AKAP9: variants seen among roughly 807,000 people sequenced by gnomAD.
AKAP9 encodes A-kinase anchoring protein 9, also known as A-kinase anchor protein 9.
A neutral mutation model predicts 488.5 loss-of-function variants in AKAP9; 311 were observed. That is an observed-to-expected ratio of 0.64 (90% CI 0.58 to 0.70). The LOEUF (loss-of-function observed/expected upper bound fraction) is 0.70. Among genes scored for constraint, AKAP9 ranks in the 30% least tolerant of loss-of-function variants. The pLI is 0.00. For missense variants in AKAP9, 4,215 were observed against 4,374.5 expected (o/e 0.96, Z 1.03); for synonymous variants, 1,462 against 1,483.5 (o/e 0.99, Z 0.33).
intron 26 of AKAP9, 62 bp downstream of exon 26, chr7:92,066,608 C>T (rs1197101561): frequency 4.4e-6 from 7 of 1,584,622 alleles, no homozygotes; most frequent in Non-Finnish European, 5.2e-6. Context: ...AAATAAGATG[C>T]ATATCATTAA....
At chr7:92,059,401 A>T (rs996777788) in intron 22 of AKAP9, among the ~76,000 whole-genome samples, 1 of 149,214 alleles carries the variant, frequency 6.7e-6, no homozygotes, top group Non-Finnish European at 1.5e-5. Context: ...AATAAATGAC[A>T]TTTTTTTTTG....
rs1563158570 is a variant in AKAP9 at position 92,105,782 on chromosome 7, A to G, written c.11416+19A>G. On this transcript the variant is annotated intron_variant, in intron 47 of 49. Transcript: ENST00000356239. ...AATCAAGGTGAAGTCAAAATAGCAT[A>G]TTTTCTTATGTTTATGACTCTCTAA... 1 of 1,595,392 alleles carries G rather than the reference A, an allele frequency of 6.3e-7. No homozygotes were observed.
intron 2 of AKAP9, among the ~76,000 whole-genome samples, chr7:91,977,751 G>A (rs938889595): frequency 1.3e-5 from 2 of 152,072 alleles, no homozygotes; most frequent in Non-Finnish European, 2.9e-5. Context: ...CAACTCTACT[G>A]CTTGATTTGG....
intron 8 of AKAP9, among the ~76,000 whole-genome samples, chr7:92,010,742 C>A (rs1335153608): frequency 6.6e-6 from 1 of 152,194 alleles, no homozygotes; most frequent in Non-Finnish European, 1.5e-5. Context: ...CAACCTTGAA[C>A]TCCTGGACTC....
chr7:91,973,529 T>C (rs750214378), intron 1 of AKAP9, among the ~76,000 whole-genome samples, 182 bp from the exon 2 acceptor site: 3 of 152,242 alleles, frequency 2.0e-5, no homozygotes, highest in Non-Finnish European at 4.4e-5. Flanking sequence ...GTAGGTTTAT[T>C]CAGAAATGTT....
rs377559109 is a variant in AKAP9, at chr7:91,994,607, C to G, written c.577-14C>G. The G allele has an allele frequency of 4.0e-5, 65 of 1,605,912 alleles. No individual in the cohort carries two copies. In the African/African-American group the frequency reaches 7.8e-4, roughly 19 times the overall value. On this transcript the variant is annotated splice_polypyrimidine_tract_variant and intron_variant, in intron 5 of 49. Coordinates refer to ENST00000356239, the MANE Select transcript of AKAP9 (RefSeq NM_005751.5). ...TTAAAAAAAATAAATCTAGCACTTA[C>G]TATTTTCTTTCAGTTACAAGAATTT...
At chr7:92,042,608 T>G in intron 19 of AKAP9, 60 bp from the exon 20 acceptor site, 1 of 1,221,436 alleles carries the variant, frequency 8.2e-7, no homozygotes, top group Non-Finnish European at 1.2e-6. Context: ...ACATGCTGTT[T>G]CCAAGTTGAC....
chr7:92,089,538 T>C lies in AKAP9; in HGVS notation c.9358+9T>C. ...TGAGAAACCAAGCCAAGGTATGTTG[T>C]ATGACAAGCTCATATGGTTACACAA... On this transcript the variant is annotated intron_variant, in intron 38 of 49. Coordinates refer to ENST00000356239, the MANE Select transcript of AKAP9 (RefSeq NM_005751.5). 1 of 1,612,700 alleles carries C rather than the reference T, an allele frequency of 6.2e-7. No individual in the cohort carries two copies. Among genetic ancestry groups the C allele is most frequent in the Non-Finnish European group, 8.5e-7 (1 of 1,179,170 alleles).
rs1563145482 is a variant in AKAP9, at chr7:92,099,766, A to AT, written c.10794dup (p.Ile3599TyrfsTer6). 2 of 1,614,102 alleles carry AT rather than the reference A, an allele frequency of 1.2e-6. No homozygotes were observed. The highest frequency in any genetic ancestry group is 1.7e-6 in the Non-Finnish European group (2 of 1,179,944). On this transcript the variant is annotated frameshift_variant, in exon 44 of 50. Transcript: ENST00000356239. LOFTEE classifies it high-confidence loss of function. ...AGACAAAATGCTGAGCTGACAGGGC[A>AT]TATCAGTCAACTGACTGAAGAGAAG...
rs148991061 is a variant in AKAP9 at position 92,023,039 on chromosome 7, A to G, written c.4148+30A>G. The G allele has an allele frequency of 1.9e-6, 3 of 1,592,508 alleles. No homozygotes were observed. In the African/African-American group the frequency reaches 4.0e-5, roughly 21 times the overall value. ...TCATCTGCTTATAGCTTCATTCAAC[A>G]GTATTTGTAGCTTTGTAACAATTAT... On this transcript the variant is annotated intron_variant, in intron 14 of 49. Coordinates refer to ENST00000356239, the MANE Select transcript of AKAP9 (RefSeq NM_005751.5).
intron 24 of AKAP9, 122 bp from the exon 25 acceptor site, chr7:92,065,109 G>T: frequency 1.8e-6 from 1 of 558,004 alleles, no homozygotes; most frequent in African/African-American, 1.9e-5. Flanking sequence ...TTACTTTCAT[G>T]TGTATTTAAA....
At chr7:91,958,883 T>TATC (rs1226819266) in intron 1 of AKAP9, among the ~76,000 whole-genome samples, 1 of 151,440 alleles carries the variant, frequency 6.6e-6, no homozygotes, top group Non-Finnish European at 1.5e-5. Context: ...ACATCATTAT[T>TATC]ATTATTATTA....
At chr7:92,107,516 T>C (rs1289838959) in intron 48 of AKAP9, 94 bp downstream of exon 48, 1 of 1,215,848 alleles carries the variant, frequency 8.2e-7, no homozygotes, top group East Asian at 2.4e-5. Flanking sequence ...TTCTTTGCAT[T>C]GAGATAGACA....
intron 12 of AKAP9, 73 bp from the exon 13 acceptor site, chr7:92,022,165 T>C (rs962455299): frequency 1.7e-6 from 2 of 1,180,884 alleles, no homozygotes; most frequent in Non-Finnish European, 2.5e-6. Context: ...AAATGCAGAG[T>C]TGCTTTAATA....
intron 16 of AKAP9, among the ~76,000 whole-genome samples, chr7:92,032,561 A>G (rs1804450581): frequency 6.6e-6 from 1 of 151,914 alleles, no homozygotes; most frequent in African/African-American, 2.4e-5. Flanking sequence ...CTTTTTTTGT[A>G]TAATATTTCA....
chr7:92,083,474 G>A lies in AKAP9; in HGVS notation c.8465G>A (p.Ser2822Asn), dbSNP rs1813956608. 6.2e-7 allele frequency: 1 copy of A among 1,613,192 alleles called. No homozygotes were observed. Among genetic ancestry groups the A allele is most frequent in the Middle Eastern group, 1.7e-4 (1 of 6,058 alleles). ...CSSEEVTEIISQFTEKIEKMQ... is the reference protein window; with the variant it reads ...CSSEEVTEIINQFTEKIEKMQ... ...TCAGAAGAAGTTACTGAAATAATCA[G>A]TCAGTTTACTGAAAAAATTGAGAAG... is the stretch of plus-strand genomic sequence containing the variant. Residue 2822 changes from serine to asparagine, a missense_variant, in exon 33 of 50, where the codon AGT becomes AAT. Transcript: ENST00000356239.
chr7:92,075,098 AAAT>A (rs1248876925), intron 28 of AKAP9, among the ~76,000 whole-genome samples: 2 of 152,120 alleles, frequency 1.3e-5, no homozygotes, highest in Non-Finnish European at 2.9e-5. Flanking sequence ...ATTAAAAAAA[AAAT>A]AAAACACAAG....
rs1312706095 is a variant in AKAP9, at chr7:92,001,535, T to C, written c.1618T>C (p.Ser540Pro). The change falls in exon 8 of 50, where the codon TCA (serine) becomes CCA (proline). Residue 540 changes from serine (S) to proline (P), a missense_variant. By Grantham distance (74) the Ser-to-Pro change is moderately conservative. This residue lies in a region of AKAP9 where 2,361 missense variants were observed against 2,430.0 expected (regional missense o/e 0.97). Coordinates refer to ENST00000356239, the MANE Select transcript of AKAP9 (RefSeq NM_005751.5). ...LEDLVEELSF[S>P]REQIQRARQT... ...AGACCTTGTTGAAGAATTGAGCTTT[T>C]CAAGGGAACAGATTCAGAGAGCTAG... The C allele has an allele frequency of 6.2e-7, 1 of 1,613,860 alleles. No individual in the cohort carries two copies. Among genetic ancestry groups the C allele is most frequent in the Non-Finnish European group, 8.5e-7 (1 of 1,179,880 alleles).
At chr7:92,024,879 G>A (rs1802880429) in intron 14 of AKAP9, among the ~76,000 whole-genome samples, 1 of 151,978 alleles carries the variant, frequency 6.6e-6, no homozygotes, top group Non-Finnish European at 1.5e-5. Context: ...ACCTACATAT[G>A]GGCTTTGGAA....
Sources: gnomAD v4.1 joint callset for allele counts (sites outside exome capture counted in the v4.1 genomes callset) on GRCh38, gnomAD v4.1.1 for gene constraint, gnomAD v4.1.1 regional missense constraint, MANE v1.5 for transcripts, NCBI Gene and HGNC (gene_info 2026-07-23, HGNC 2026-07-21) for gene names.